ERICH3: variants seen among roughly 807,000 people sequenced by gnomAD.
ERICH3 encodes the protein glutamate-rich protein 3.
ERICH3 carries 126 observed loss-of-function variants against 131.1 expected under a neutral mutation model. That is an observed-to-expected ratio of 0.96 (90% CI 0.83 to 1.11). ERICH3 has a LOEUF of 1.11. ERICH3 is among the 50% of genes most tolerant of loss of function. The pLI, the probability that ERICH3 is intolerant of heterozygous loss-of-function variation, is 0.00. For missense variants in ERICH3, 2,050 were observed against 1,810.7 expected (o/e 1.13, Z -2.40); for synonymous variants, 695 against 644.6 (o/e 1.08, Z -1.18).
Position 74,571,324 on chromosome 1 carries a change from G to T in ERICH3, c.4386C>A (p.Gly1462=). 6.2e-7 allele frequency: 1 copy of T among 1,613,636 alleles called. No homozygotes were observed. Among genetic ancestry groups the T allele is most frequent in the African/African-American group, 1.3e-5 (1 of 74,862 alleles). Residue 1462 remains glycine (G), a synonymous_variant, in exon 14 of 15, where the codon GGC becomes GGA. Coordinates refer to ENST00000326665, the MANE Select transcript of ERICH3 (RefSeq NM_001002912.5). The stretch of plus-strand genomic sequence containing the variant: ...CTGCTCCTGTCTCCTGCCTCCCATC[G>T]CCACTCCCAGTGGCTGCCTCCTGGC... ...SEGQEAATGS[G]DGRQETGAAE... is the part of the protein sequence containing the mutation.
chr1:74,650,588 G>T (rs1053503625), intron 1 of ERICH3, among the ~76,000 whole-genome samples: 1 of 151,982 alleles, frequency 6.6e-6, no homozygotes. Context: ...TATCCAATAC[G>T]GCTGGTAAGT....
At chr1:74,612,470 G>C (rs1239764806) in intron 9 of ERICH3, among the ~76,000 whole-genome samples, 153 bp downstream of exon 9, 3 of 152,070 alleles carry the variant, frequency 2.0e-5, no homozygotes, top group Non-Finnish European at 2.9e-5. Context: ...AATTCAGCAC[G>C]CCATGTTACA....
chr1:74,587,705 T>C (rs1247627014), intron 12 of ERICH3, among the ~76,000 whole-genome samples: 1 of 152,190 alleles, frequency 6.6e-6, no homozygotes, highest in African/African-American at 2.4e-5. Flanking sequence ...AATGTTAGTG[T>C]TTCTATTGAC....
Position 74,571,467 on chromosome 1 carries a change from C to A in ERICH3, c.4243G>T (p.Val1415Leu). The A allele has an allele frequency of 6.2e-7, 1 of 1,614,138 alleles. No individual in the cohort carries two copies. Among genetic ancestry groups the A allele is most frequent in the African/African-American group, 1.3e-5 (1 of 75,040 alleles). ...VEELARSGEE[V>L]PAAEEMTVTY... Reference sequence around the variant, plus strand: ...ACTGTCATCTCCTCTGCTGCTGGCACTTCCTCCCCACTCCGTGCTAATTCC... The same window carrying A: ...ACTGTCATCTCCTCTGCTGCTGGCAATTCCTCCCCACTCCGTGCTAATTCC... Residue 1415 changes from valine (V) to leucine (L), a missense_variant, in exon 14 of 15, where the codon GTG (valine) becomes TTG (leucine). By Grantham distance (32) the Val-to-Leu change is conservative. Coordinates refer to ENST00000326665, the MANE Select transcript of ERICH3 (RefSeq NM_001002912.5).
Position 74,569,915 on chromosome 1 carries a change from T to A in ERICH3, c.*543A>T, listed in dbSNP as rs532353190. 13 of 152,326 alleles carry A rather than the reference T, an allele frequency of 8.5e-5. No individual in the cohort carries two copies. Among genetic ancestry groups the A allele is most frequent in the Non-Finnish European group, 1.8e-4 (12 of 68,024 alleles). 9.4% of individuals were successfully genotyped at this position (152,326 alleles called of 1,614,324 possible). A position where few individuals can be genotyped will look rare whatever the true frequency, so the allele number is the denominator to read the frequency against. On this transcript the variant is annotated 3_prime_UTR_variant, in exon 15 of 15. Coordinates refer to ENST00000326665, the MANE Select transcript of ERICH3 (RefSeq NM_001002912.5). Reference sequence around the variant, plus strand: ...CAAGAAATCTTTTGCTGGAAGAACTTAGAGATTTGGAGCAATCTTGAGTTT... The same window carrying A: ...CAAGAAATCTTTTGCTGGAAGAACTAAGAGATTTGGAGCAATCTTGAGTTT...
chr1:74,570,752 A>ATTCT, intron 14 of ERICH3, among the ~76,000 whole-genome samples: 1 of 152,126 alleles, frequency 6.6e-6, no homozygotes, highest in East Asian at 1.9e-4. Context: ...ATATAGTTTA[A>ATTCT]TTCTTTACTT....
intron 13 of ERICH3, among the ~76,000 whole-genome samples, chr1:74,574,064 C>T (rs142989254): frequency 9.9e-4 from 150 of 151,574 alleles, no homozygotes; most frequent in African/African-American, 3.3e-3. Context: ...GAACGTGGCC[C>T]ACTTCAGCCT....
At position 74,667,367 on chromosome 1, in the gene ERICH3, T is replaced by C. The variant is rs368012160; in HGVS notation, c.23+6130A>G. ...TTTAAACTGACTGACATGTATGGAG[T>C]CATTCCATAACATACACTATTCTCA... is the stretch of plus-strand genomic sequence containing the variant. On this transcript the variant is annotated intron_variant, in intron 1 of 14. Coordinates refer to ENST00000326665, the MANE Select transcript of ERICH3 (RefSeq NM_001002912.5). Among the ~76,000 whole-genome samples, 9 of 152,174 alleles carry C rather than the reference T, an allele frequency of 5.9e-5. No homozygotes were observed. In the East Asian group the frequency reaches 1.7e-3, roughly 29 times the overall value.
intron 8 of ERICH3, chr1:74,615,136 A>C (rs1340285395): frequency 6.6e-6 from 1 of 152,178 alleles, no homozygotes; most frequent in Non-Finnish European, 1.5e-5. Flanking sequence ...TGTTTTTCAG[A>C]GTTCTAGAAC....
At chr1:74,629,340 A>C (rs1263424898) in intron 7 of ERICH3, among the ~76,000 whole-genome samples, 2 of 152,138 alleles carry the variant, frequency 1.3e-5, no homozygotes, top group African/African-American at 4.8e-5. Context: ...AACATTCCCA[A>C]AATAGAGATT....
At chr1:74,668,947 A>C (rs1055558965) in intron 1 of ERICH3, among the ~76,000 whole-genome samples, 7 of 152,176 alleles carry the variant, frequency 4.6e-5, no homozygotes, top group African/African-American at 1.7e-4. Flanking sequence ...TACTGTAGCT[A>C]TCCAAAGTAC....
chr1:74,653,598 CAT>C (rs1415417944), intron 1 of ERICH3, among the ~76,000 whole-genome samples: 2 of 152,126 alleles, frequency 1.3e-5, no homozygotes, highest in Non-Finnish European at 2.9e-5. Flanking sequence ...CTCTCACATA[CAT>C]AGTCTCATCT....
intron 5 of ERICH3, among the ~76,000 whole-genome samples, chr1:74,640,670 C>T (rs913282781): frequency 2.0e-4 from 31 of 152,092 alleles, no homozygotes; most frequent in African/African-American, 7.2e-4. Context: ...CAAGCAAACA[C>T]CACTTTTAGA....
At chr1:74,661,399 A>G (rs1646639975) in intron 1 of ERICH3, among the ~76,000 whole-genome samples, 1 of 152,084 alleles carries the variant, frequency 6.6e-6, no homozygotes, top group South Asian at 2.1e-4. Context: ...TCAAATTCTC[A>G]GTTGTTCAGA....
At chr1:74,608,946 C>T (rs2100591712) in intron 9 of ERICH3, among the ~76,000 whole-genome samples, 1 of 152,116 alleles carries the variant, frequency 6.6e-6, no homozygotes, top group Admixed American at 6.5e-5. Context: ...GCTTTGATGC[C>T]TCCCTACTGC....
intron 10 of ERICH3, among the ~76,000 whole-genome samples, chr1:74,603,210 T>C (rs1648227743): frequency 6.6e-6 from 1 of 151,878 alleles, no homozygotes; most frequent in Non-Finnish European, 1.5e-5. Context: ...AGCTCTCCCT[T>C]TCTGATACTT....
intron 1 of ERICH3, among the ~76,000 whole-genome samples, chr1:74,655,584 C>T (rs961327565): frequency 3.9e-5 from 6 of 152,166 alleles, no homozygotes; most frequent in African/African-American, 1.4e-4. Flanking sequence ...ATGGGGCCCA[C>T]CCACATTAAT....
At chr1:74,592,612 C>A (rs1647659736) in intron 11 of ERICH3, among the ~76,000 whole-genome samples, 1 of 152,164 alleles carries the variant, frequency 6.6e-6, no homozygotes, top group Non-Finnish European at 1.5e-5. Context: ...CTTTCTTTAG[C>A]AGCTTCCATT....
At position 74,579,606 on chromosome 1, in the gene ERICH3, G is replaced by T. The variant is rs529102342; in HGVS notation, c.2177-2670C>A. ...CTTACTAGGTGTGAAACCAGAAAAG[G>T]CTTCACTTGGTCGTTTTTTCTCAGA... On this transcript the variant is annotated intron_variant, in intron 12 of 14. Coordinates refer to ENST00000326665, the MANE Select transcript of ERICH3 (RefSeq NM_001002912.5). The T allele has an allele frequency of 1.0e-5, 10 of 985,256 alleles. No individual in the cohort carries two copies. In the African/African-American group the frequency reaches 1.6e-4, roughly 15 times the overall value. 61.0% of individuals were successfully genotyped at this position (985,256 alleles called of 1,614,324 possible).
Sources: gnomAD v4.1 joint callset for allele counts (sites outside exome capture counted in the v4.1 genomes callset) on GRCh38, gnomAD v4.1.1 for gene constraint, MANE v1.5 for transcripts, NCBI Gene and HGNC (gene_info 2026-07-23, HGNC 2026-07-21) for gene names.